The following MYO1D variants were observed in gnomAD, a reference collection of about 807,000 sequenced individuals.
The protein encoded by MYO1D is unconventional myosin-Id.
In MYO1D, 83 loss-of-function variants were observed where a neutral mutation model predicts 122.0. The observed-to-expected ratio is 0.68, with a 90% CI of 0.57 to 0.82. The LOEUF (loss-of-function observed/expected upper bound fraction) is 0.82. MYO1D is among the 40% of genes least tolerant of loss of function. The pLI is 0.00. For synonymous variants in MYO1D, 464 were observed against 446.9 expected, an observed-to-expected ratio of 1.04 and a Z score of -0.48; for missense variants, 1,157 against 1,269.5, an observed-to-expected ratio of 0.91 and a Z score of 1.35.
At chr17:32,574,043 A>G (rs1327650358) in intron 21 of MYO1D, among the ~76,000 whole-genome samples, 1 of 151,304 alleles carries the variant, frequency 6.6e-6, no homozygotes. Flanking sequence ...TACTAGAGAC[A>G]GGGTTTCACC....
chr17:32,705,515 G>T (rs2089296188), intron 16 of MYO1D, among the ~76,000 whole-genome samples: 1 of 152,112 alleles, frequency 6.6e-6, no homozygotes, highest in African/African-American at 2.4e-5. Flanking sequence ...CGCCCGCCTT[G>T]GCCTCCCAAA....
chr17:32,622,748 C>G, intron 20 of MYO1D, among the ~76,000 whole-genome samples: 1 of 152,134 alleles, frequency 6.6e-6, no homozygotes, highest in East Asian at 1.9e-4. Flanking sequence ...TGCAAGGGGG[C>G]AAAGAGCAGT....
chr17:32,546,610 G>C (rs1014714721), intron 21 of MYO1D, among the ~76,000 whole-genome samples: 1 of 152,184 alleles, frequency 6.6e-6, no homozygotes, highest in African/African-American at 2.4e-5. Flanking sequence ...AAGGATTTGT[G>C]GGGGGCATGG....
chr17:32,638,340 T>C (rs1257193270), intron 20 of MYO1D, among the ~76,000 whole-genome samples: 2 of 152,162 alleles, frequency 1.3e-5, no homozygotes, highest in African/African-American at 4.8e-5. Context: ...CAGCATAAAT[T>C]TTACATTTAA....
chr17:32,573,658 G>A (rs2087251093), intron 21 of MYO1D, among the ~76,000 whole-genome samples: 1 of 151,768 alleles, frequency 6.6e-6, no homozygotes, highest in Non-Finnish European at 1.5e-5. Flanking sequence ...TAGATGGGAT[G>A]ACAGGCATGT....
At chr17:32,732,669 T>G (rs1001152366) in intron 14 of MYO1D, among the ~76,000 whole-genome samples, 1 of 152,170 alleles carries the variant, frequency 6.6e-6, no homozygotes, top group Non-Finnish European at 1.5e-5. Context: ...CACCCTCTAT[T>G]TGTATGCATA....
At chr17:32,729,133 T>C (rs778096755) in intron 14 of MYO1D, among the ~76,000 whole-genome samples, 2 of 152,180 alleles carry the variant, frequency 1.3e-5, no homozygotes, top group Non-Finnish European at 2.9e-5. Context: ...AGTGATCTTA[T>C]TCTCTTGAAC....
At chr17:32,723,735 T>C (rs1442694764) in intron 14 of MYO1D, among the ~76,000 whole-genome samples, 1 of 152,134 alleles carries the variant, frequency 6.6e-6, no homozygotes, top group African/African-American at 2.4e-5. Flanking sequence ...GCCATTTGAG[T>C]GAGCTCATCT....
intron 21 of MYO1D, among the ~76,000 whole-genome samples, chr17:32,521,222 C>G (rs999429614): frequency 6.6e-6 from 1 of 152,204 alleles, no homozygotes; most frequent in African/African-American, 2.4e-5. Flanking sequence ...TGCCTCCCTC[C>G]GCTGCCTACT....
At chr17:32,552,432 C>T (rs1252847875) in intron 21 of MYO1D, among the ~76,000 whole-genome samples, 1 of 151,342 alleles carries the variant, frequency 6.6e-6, no homozygotes, top group East Asian at 1.9e-4. Flanking sequence ...ATCCATCCAT[C>T]CATCCATCCA....
At chr17:32,570,598 T>C (rs2087216381) in intron 21 of MYO1D, among the ~76,000 whole-genome samples, 1 of 152,176 alleles carries the variant, frequency 6.6e-6, no homozygotes, top group Non-Finnish European at 1.5e-5. Context: ...GTGATCTGCC[T>C]GCCTGGGCCT....
intron 16 of MYO1D, among the ~76,000 whole-genome samples, chr17:32,673,648 C>T (rs148319408): frequency 5.8e-4 from 89 of 152,306 alleles, no homozygotes; most frequent in African/African-American, 2.0e-3. Flanking sequence ...GTATTCCCAG[C>T]TACTTGAGAG....
rs377310329 is a variant in MYO1D, at chr17:32,848,761, G to A, written c.95+28017C>T. Reference sequence around the variant, plus strand: ...CGTTGCTACCTAACCACAGTCCCCCGTCCCACACCCTTCTTGCCATAGTAG... The same window carrying A: ...CGTTGCTACCTAACCACAGTCCCCCATCCCACACCCTTCTTGCCATAGTAG... On this transcript the variant is annotated intron_variant, in intron 1 of 21. Coordinates refer to ENST00000318217, the MANE Select transcript of MYO1D (RefSeq NM_015194.3). 5.1e-4 allele frequency among the ~76,000 whole-genome samples: 78 copies of A among 152,144 alleles called. 1 individual carries two copies. In the East Asian group the frequency reaches 0.011, roughly 21 times the overall value.
At chr17:32,591,070 GC>G (rs2087434448) in intron 21 of MYO1D, among the ~76,000 whole-genome samples, 1 of 152,206 alleles carries the variant, frequency 6.6e-6, no homozygotes, top group South Asian at 2.1e-4. Flanking sequence ...CGTCATCAAG[GC>G]AGGTAAAGCT....
chr17:32,789,535 C>T (rs1044875531), intron 1 of MYO1D, among the ~76,000 whole-genome samples: 4 of 152,214 alleles, frequency 2.6e-5, no homozygotes, highest in Non-Finnish European at 5.9e-5. Flanking sequence ...CACATCATTA[C>T]TGTCATAAGT....
chr17:32,620,124 G>A (rs906903982), intron 20 of MYO1D, among the ~76,000 whole-genome samples: 17 of 152,162 alleles, frequency 1.1e-4, no homozygotes, highest in East Asian at 1.9e-4. Flanking sequence ...TATGACAGGC[G>A]CCTCATAGCC....
intron 16 of MYO1D, among the ~76,000 whole-genome samples, chr17:32,692,371 T>G (rs2150974763): frequency 6.6e-6 from 1 of 152,382 alleles, no homozygotes; most frequent in East Asian, 1.9e-4. Context: ...ACCACATGTA[T>G]GCCATTATGT....
chr17:32,865,179 T>C (rs1475130798), intron 1 of MYO1D, among the ~76,000 whole-genome samples: 2 of 152,248 alleles, frequency 1.3e-5, no homozygotes, highest in South Asian at 2.1e-4. Flanking sequence ...TGGGTTTTTT[T>C]CATGGGATTT....
At chr17:32,708,440 G>T (rs1220092259) in intron 16 of MYO1D, among the ~76,000 whole-genome samples, 1 of 151,974 alleles carries the variant, frequency 6.6e-6, no homozygotes, top group Non-Finnish European at 1.5e-5. Context: ...TATCAGTATA[G>T]CTATTTTTAT....
Sources: allele counts gnomAD v4.1 joint callset (sites outside exome capture counted in the v4.1 genomes callset), GRCh38; gene constraint gnomAD v4.1.1; transcripts MANE v1.5; gene names NCBI Gene and HGNC (gene_info 2026-07-23, HGNC 2026-07-21).